GPC5: variants seen among roughly 807,000 people sequenced by gnomAD.
The protein encoded by GPC5 is glypican-5.
GPC5 carries 47 observed loss-of-function variants against 53.9 expected under a neutral mutation model. That is an observed-to-expected ratio of 0.87 (90% confidence interval 0.69 to 1.11). The LOEUF (loss-of-function observed/expected upper bound fraction) is 1.11, where lower values mean the gene tolerates loss of function less well. Among genes scored for constraint, GPC5 ranks in the 50% most tolerant of loss-of-function variants. The probability of loss-of-function intolerance (pLI) is 0.00; values close to 1 mark genes in which losing one functional copy is unlikely to be tolerated. For missense variants in GPC5, 748 were observed against 713.1 expected (o/e 1.05, Z -0.56); for synonymous variants, 286 against 263.3 (o/e 1.09, Z -0.84).
intron 2 of GPC5, among the ~76,000 whole-genome samples, chr13:91,461,513 A>T (rs1881926397): frequency 6.6e-6 from 1 of 152,118 alleles, no homozygotes; most frequent in African/African-American, 2.4e-5. Flanking sequence ...GCTGGACCTC[A>T]ATATCCTTGC....
At chr13:91,627,617 T>C (rs571060850) in intron 2 of GPC5, among the ~76,000 whole-genome samples, 1 of 152,242 alleles carries the variant, frequency 6.6e-6, no homozygotes, top group East Asian at 1.9e-4. Context: ...TATTTGATTC[T>C]TGTCCTTGGC....
chr13:91,656,403 G>GATC (rs1193640407), intron 2 of GPC5, among the ~76,000 whole-genome samples: 1 of 152,140 alleles, frequency 6.6e-6, no homozygotes, highest in Non-Finnish European at 1.5e-5. Flanking sequence ...CAGAGGTATA[G>GATC]ATCTGGGAGT....
chr13:92,233,103 G>A (rs1164838151), intron 7 of GPC5, among the ~76,000 whole-genome samples: 1 of 152,070 alleles, frequency 6.6e-6, no homozygotes, highest in African/African-American at 2.4e-5. Flanking sequence ...TTTTACACTT[G>A]GTCATCAACT....
At position 91,600,332 on chromosome 13, in the gene GPC5, AGAGAGAGAGAGAGAGAGT is replaced by A. The variant is rs758793553; in HGVS notation, c.326-92853_326-92836del. Reference sequence around the variant, plus strand: ...GAGAGAGAGAGAGAGAGAGAGAGAGAGAGAGAGAGAGAGAGAGTGTGTGTGTGTGTGTGTGTATAGACA... The same window carrying A: ...GAGAGAGAGAGAGAGAGAGAGAGAGAGTGTGTGTGTGTGTGTGTATAGACA... On this transcript the variant is annotated intron_variant, in intron 2 of 7. Transcript: ENST00000377067. Among the ~76,000 whole-genome samples the A allele has an allele frequency of 6.3e-3, 292 of 46,326 alleles. 1 individual carries two copies. Among genetic ancestry groups the A allele is most frequent in the Middle Eastern group, 0.02 (2 of 102 alleles). The allele number at this position is 46,326 out of a possible 152,430, so 30.4% of individuals were successfully genotyped here.
rs148537510 is a variant in GPC5, at chr13:92,267,796, G to A, written c.1561+122807G>A. Among the ~76,000 whole-genome samples the A allele has an allele frequency of 2.5e-3, 379 of 151,962 alleles. 1 individual carries two copies. The highest frequency in any genetic ancestry group is 4.1e-3 in the Non-Finnish European group (278 of 67,920). The stretch of plus-strand genomic sequence containing the variant: ...CTGCTTTGACTACAGTACAGAATTG[G>A]GTAGTTCTGACAGAGGCCAAATTAA... On this transcript the variant is annotated intron_variant, in intron 7 of 7. Transcript: ENST00000377067.
At chr13:91,522,736 A>G (rs768022971) in intron 2 of GPC5, among the ~76,000 whole-genome samples, 13 of 151,968 alleles carry the variant, frequency 8.6e-5, no homozygotes, top group African/African-American at 1.5e-4. Flanking sequence ...TCATTGTTCA[A>G]TTTCCGCCTA....
chr13:91,494,900 T>TA (rs1405349230), intron 2 of GPC5, among the ~76,000 whole-genome samples: 6 of 152,238 alleles, frequency 3.9e-5, no homozygotes, highest in African/African-American at 1.4e-4. Flanking sequence ...GTTCTCACTT[T>TA]AAAAACTTAT....
chr13:91,713,747 T>A (rs2036277997), intron 3 of GPC5, among the ~76,000 whole-genome samples: 1 of 152,190 alleles, frequency 6.6e-6, no homozygotes, highest in Non-Finnish European at 1.5e-5. Context: ...CTTTAGTACA[T>A]CCACTTAGAA....
chr13:92,089,957 T>G (rs1196810025), intron 6 of GPC5, among the ~76,000 whole-genome samples: 1 of 152,190 alleles, frequency 6.6e-6, no homozygotes, highest in Non-Finnish European at 1.5e-5. Flanking sequence ...TTGCATAAAC[T>G]TGTTCAATTA....
intron 7 of GPC5, among the ~76,000 whole-genome samples, chr13:92,865,237 T>A (rs756479722): frequency 2.0e-5 from 3 of 151,964 alleles, no homozygotes; most frequent in Non-Finnish European, 4.4e-5. Context: ...CTTTGCCCGC[T>A]TTTTTTTAAA....
intron 6 of GPC5, among the ~76,000 whole-genome samples, chr13:92,077,228 C>T (rs1216843801): frequency 1.3e-5 from 2 of 152,176 alleles, no homozygotes; most frequent in Non-Finnish European, 2.9e-5. Context: ...TCAGGACCTC[C>T]TGAGGGCTGT....
intron 6 of GPC5, among the ~76,000 whole-genome samples, chr13:92,041,524 T>C (rs1334500587): frequency 6.6e-6 from 1 of 152,162 alleles, no homozygotes; most frequent in African/African-American, 2.4e-5. Context: ...GGGTGTCTTA[T>C]AGGAAACCAG....
Position 92,468,696 on chromosome 13 carries a change from G to A in GPC5, c.1561+323707G>A, listed in dbSNP as rs145440624. On this transcript the variant is annotated intron_variant, in intron 7 of 7. Transcript: ENST00000377067. The stretch of plus-strand genomic sequence containing the variant: ...AAACACACACAAACACACACATACA[G>A]GCCATGTGTTTTTAGATGGAAACTG... Among the ~76,000 whole-genome samples the A allele has an allele frequency of 1.6e-3, 244 of 152,162 alleles. 1 individual carries two copies. Among genetic ancestry groups the A allele is most frequent in the Non-Finnish European group, 2.8e-3 (193 of 67,984 alleles).
intron 7 of GPC5, among the ~76,000 whole-genome samples, chr13:92,385,519 C>CATATACATATATACAT (rs1481687635): frequency 0.42 from 30,569 of 73,298 alleles, 9,206 homozygotes; most frequent in East Asian, 0.51. Context: ...TATATACATA[C>CATATACATATATACAT]ATATGCATAT....
intron 7 of GPC5, among the ~76,000 whole-genome samples, chr13:92,419,322 G>T (rs1876457593): frequency 6.6e-6 from 1 of 151,866 alleles, no homozygotes; most frequent in African/African-American, 2.4e-5. Flanking sequence ...TGCTTATTCT[G>T]GTCATAGCAA....
chr13:92,508,748 TTAGTC>T (rs1434365313), intron 7 of GPC5, among the ~76,000 whole-genome samples: 1 of 152,186 alleles, frequency 6.6e-6, no homozygotes, highest in African/African-American at 2.4e-5. Context: ...AGGCAATAAA[TTAGTC>T]AAGTCATAGA....
intron 7 of GPC5, among the ~76,000 whole-genome samples, chr13:92,486,471 G>GA (rs1454461860): frequency 2.6e-5 from 4 of 152,054 alleles, no homozygotes; most frequent in African/African-American, 7.2e-5. Context: ...AAATAAAGAG[G>GA]AAAAAATTCT....
intron 7 of GPC5, among the ~76,000 whole-genome samples, chr13:92,792,903 C>A (rs559886889): frequency 7.2e-5 from 11 of 152,206 alleles, no homozygotes; most frequent in African/African-American, 2.2e-4. Context: ...TAGAGACCTA[C>A]AAAGAGACTT....
chr13:92,805,855 C>A (rs901599272), intron 7 of GPC5, among the ~76,000 whole-genome samples: 3 of 152,002 alleles, frequency 2.0e-5, no homozygotes, highest in African/African-American at 4.8e-5. Context: ...AAAGCACTGG[C>A]AGAGTAAATT....
Sources: gnomAD v4.1 joint callset for allele counts (sites outside exome capture counted in the v4.1 genomes callset) on GRCh38, gnomAD v4.1.1 for gene constraint, MANE v1.5 for transcripts, NCBI Gene and HGNC (gene_info 2026-07-23, HGNC 2026-07-21) for gene names.